The following TMEM106C variants were observed in gnomAD, a reference collection of about 807,000 sequenced individuals.
TMEM106C encodes the protein endoplasmic reticulum membrane protein overexpressed in cancer.
TMEM106C carries 27 observed loss-of-function variants against 30.8 expected under a neutral mutation model. That is an observed-to-expected ratio of 0.88 (90% CI 0.65 to 1.21). The LOEUF (loss-of-function observed/expected upper bound fraction) is 1.21, where lower values mean the gene tolerates loss of function less well. Ranked by LOEUF, TMEM106C falls within the 50% of genes most tolerant of loss-of-function variation. The pLI, the probability that TMEM106C is intolerant of heterozygous loss-of-function variation, is 0.00. For missense variants in TMEM106C, 288 were observed against 307.8 expected, an observed-to-expected ratio of 0.94 and a Z score of 0.48; for synonymous variants, 123 against 118.8, an observed-to-expected ratio of 1.04 and a Z score of -0.23.
intron 2 of TMEM106C, 102 bp from the exon 3 acceptor site, chr12:47,965,180 C>G: frequency 3.3e-6 from 3 of 912,176 alleles, no homozygotes; most frequent in Non-Finnish European, 5.1e-6. Context: ...TTTAAAATGT[C>G]TCATTCCAGA....
intron 3 of TMEM106C, 142 bp from the exon 4 acceptor site, chr12:47,965,696 T>C: frequency 9.4e-7 from 1 of 1,060,076 alleles, no homozygotes; most frequent in Admixed American, 2.3e-5. Flanking sequence ...CCTGCTTCAC[T>C]GCTTCTTAAC....
At chr12:47,965,424 C>T (rs1938190076) in intron 3 of TMEM106C, 79 bp downstream of exon 3, 1 of 1,275,630 alleles carries the variant, frequency 7.8e-7, no homozygotes. Flanking sequence ...CCAGTTAATT[C>T]TTTGAAAACT....
In TMEM106C at chr12:47,967,194, T is replaced by C. The variant is rs757850424; in HGVS notation, c.603-14T>C. ...AAAAAAAAACTGACTATTTCCATAT[T>C]TGCTGTTTGGTAGCTTCTTCTGCAC... On this transcript the variant is annotated splice_polypyrimidine_tract_variant and intron_variant, in intron 6 of 7. Transcript: ENST00000429772. The C allele has an allele frequency of 1.2e-6, 2 of 1,613,746 alleles. No individual in the cohort carries two copies. The highest frequency in any genetic ancestry group is 1.7e-6 in the Non-Finnish European group (2 of 1,179,916).
chr12:47,967,146 A>T, intron 6 of TMEM106C, 62 bp from the exon 7 acceptor site: 2 of 1,549,104 alleles, frequency 1.3e-6, no homozygotes, highest in Non-Finnish European at 8.9e-7. Flanking sequence ...GTAACTCTGC[A>T]CTCTTCTACT....
At chr12:47,966,952 A>G (rs1036125581) in intron 6 of TMEM106C, 2 of 637,936 alleles carry the variant, frequency 3.1e-6, no homozygotes, top group African/African-American at 1.8e-5. Flanking sequence ...TGGAATTTCT[A>G]AAAGAGAACA....
At chr12:47,965,211 C>A in intron 2 of TMEM106C, 71 bp from the exon 3 acceptor site, 1 of 1,249,204 alleles carries the variant, frequency 8.0e-7, no homozygotes, top group Non-Finnish European at 1.2e-6. Context: ...TTGTGGCAGG[C>A]TCAAGTGAGA....
At chr12:47,965,438 C>A (rs1938190463) in intron 3 of TMEM106C, 93 bp downstream of exon 3, 4 of 1,183,210 alleles carry the variant, frequency 3.4e-6, no homozygotes, top group South Asian at 2.6e-5. Flanking sequence ...GAAAACTACA[C>A]ATGTTCTTAT....
intron 7 of TMEM106C, among the ~76,000 whole-genome samples, chr12:47,967,734 G>A (rs1938287334): frequency 6.6e-6 from 1 of 152,200 alleles, no homozygotes; most frequent in Non-Finnish European, 1.5e-5. Context: ...CTCAGCCTTG[G>A]CACTACGAAC....
intron 2 of TMEM106C, 122 bp from the exon 3 acceptor site, chr12:47,965,160 A>C: frequency 1.4e-6 from 1 of 731,392 alleles, no homozygotes; most frequent in South Asian, 1.8e-5. Flanking sequence ...TGTGAATTTC[A>C]CTAGTATTTT....
chr12:47,965,468 T>C, intron 3 of TMEM106C, 123 bp downstream of exon 3: 4 of 950,230 alleles, frequency 4.2e-6, no homozygotes, highest in East Asian at 2.5e-5. Context: ...ATTTTCCTTA[T>C]AACTGTTTGC....
At chr12:47,965,795 A>G in intron 3 of TMEM106C, 43 bp from the exon 4 acceptor site, 1 of 1,608,590 alleles carries the variant, frequency 6.2e-7, no homozygotes, top group Non-Finnish European at 8.5e-7. Context: ...TTGAACCTTG[A>G]TATCTGACTG....
In TMEM106C at chr12:47,968,749, G is replaced by T. The variant is rs1592188713; in HGVS notation, c.*520G>T. The T allele has an allele frequency of 1.5e-5, 2 of 129,650 alleles. No homozygotes were observed. Among genetic ancestry groups the T allele is most frequent in the East Asian group, 3.3e-4 (1 of 3,074 alleles). 8.0% of individuals were successfully genotyped at this position (129,650 alleles called of 1,614,324 possible). ...TGAAAAGAAAGAAAAAAGTGTGTTG[G>T]CTTTTTTTTTTTTTAGAAAGTTAGA... is the stretch of plus-strand genomic sequence containing the variant. On this transcript the variant is annotated 3_prime_UTR_variant, in exon 8 of 8. Coordinates refer to ENST00000429772, the MANE Select transcript of TMEM106C (RefSeq NM_001143842.2).
chr12:47,967,132 C>T, intron 6 of TMEM106C, 76 bp from the exon 7 acceptor site: 2 of 1,480,954 alleles, frequency 1.4e-6, no homozygotes, highest in Non-Finnish European at 9.4e-7. Context: ...CCAAACAGGA[C>T]AGTGTAACTC....
intron 2 of TMEM106C, 54 bp downstream of exon 2, chr12:47,964,477 C>A: frequency 1.3e-6 from 2 of 1,574,382 alleles, no homozygotes; most frequent in Non-Finnish European, 8.7e-7. Flanking sequence ...CCTCGGAGTT[C>A]TCCTGTCTGC....
chr12:47,966,914 T>C, intron 6 of TMEM106C, 182 bp downstream of exon 6: 2 of 663,054 alleles, frequency 3.0e-6, no homozygotes, highest in South Asian at 3.8e-5. Context: ...ATTTGAAGAA[T>C]GTATTATTTG....
rs1938149415 is a variant in TMEM106C, at chr12:47,964,329, G to A, written c.93G>A (p.Gln31=). The stretch of plus-strand genomic sequence containing the variant: ...ACGGTTTGCTGGCTGAACGAGAGCA[G>A]GAAGAAGCCATTGCTCAGTTCCCAT... ...DRDGLLAERE[Q]EEAIAQFPYV... The change falls in exon 2 of 8, where the codon CAG becomes CAA. Residue 31 remains glutamine, a synonymous_variant. Coordinates refer to ENST00000429772, the MANE Select transcript of TMEM106C (RefSeq NM_001143842.2). The A allele has an allele frequency of 1.2e-6, 2 of 1,614,206 alleles. No individual in the cohort carries two copies. Among genetic ancestry groups the A allele is most frequent in the Middle Eastern group, 1.6e-4 (1 of 6,062 alleles).
chr12:47,967,055 A>G, intron 6 of TMEM106C, 153 bp from the exon 7 acceptor site: 1 of 776,534 alleles, frequency 1.3e-6, no homozygotes, highest in Non-Finnish European at 2.2e-6. Flanking sequence ...GATGAAAATG[A>G]CAGTGGCAGG....
chr12:47,965,021 G>C (rs1281641166), intron 2 of TMEM106C, among the ~76,000 whole-genome samples: 2 of 152,212 alleles, frequency 1.3e-5, no homozygotes, highest in African/African-American at 4.8e-5. Flanking sequence ...CGACGACTCT[G>C]CCAAGCCCAT....
At chr12:47,966,323 T>C in intron 5 of TMEM106C, 94 bp downstream of exon 5, 2 of 1,425,676 alleles carry the variant, frequency 1.4e-6, no homozygotes, top group Admixed American at 2.0e-5. Context: ...CCTTTTTGTC[T>C]CCTCATTTCT....
Sources: allele counts gnomAD v4.1 joint callset (sites outside exome capture counted in the v4.1 genomes callset), GRCh38; gene constraint gnomAD v4.1.1; transcripts MANE v1.5; gene names NCBI Gene and HGNC (gene_info 2026-07-23, HGNC 2026-07-21).